Variants in DPP6 observed in about 807,000 individuals in gnomAD.
DPP6 encodes A-type potassium channel modulatory protein DPP6.
DPP6 carries 69 observed loss-of-function variants against 122.6 expected under a neutral mutation model. That is an observed-to-expected ratio of 0.56 (90% CI 0.46 to 0.69). DPP6 has a LOEUF of 0.69. Ranked by LOEUF, DPP6 falls within the 30% of genes least tolerant of loss-of-function variation. The pLI is 0.00. For synonymous variants in DPP6, 418 were observed against 433.1 expected, an observed-to-expected ratio of 0.97 and a Z score of 0.43; for missense variants, 928 against 1,116.9, an observed-to-expected ratio of 0.83 and a Z score of 2.41.
rs78577660 is a variant in DPP6, at chr7:154,722,952, A to G, written c.763-4815A>G. Reference sequence around the variant, plus strand: ...GCCTTCCATCTTCTTTTCTTCAGATATCTTAATCTGAATATCAAAAGGAGA... The same window carrying G: ...GCCTTCCATCTTCTTTTCTTCAGATGTCTTAATCTGAATATCAAAAGGAGA... On this transcript the variant is annotated intron_variant, in intron 7 of 25. Coordinates refer to ENST00000377770, the MANE Select transcript of DPP6 (RefSeq NM_130797.4). 5.3e-3 allele frequency among the ~76,000 whole-genome samples: 812 copies of G among 152,268 alleles called. 11 individuals carry two copies. Among genetic ancestry groups the G allele is most frequent in the African/African-American group, 0.019 (779 of 41,538 alleles).
chr7:154,646,047 A>G (rs1350644252), intron 6 of DPP6, among the ~76,000 whole-genome samples: 1 of 150,680 alleles, frequency 6.6e-6, no homozygotes, highest in Non-Finnish European at 1.5e-5. Flanking sequence ...AAAAAAAAAG[A>G]AAATACTGAG....
intron 5 of DPP6, chr7:154,588,198 G>T: frequency 6.8e-7 from 1 of 1,478,234 alleles, no homozygotes. Flanking sequence ...CTGGTCACTG[G>T]GTGCCCGCAG....
At chr7:154,500,837 G>A (rs1825175967) in intron 3 of DPP6, among the ~76,000 whole-genome samples, 1 of 152,216 alleles carries the variant, frequency 6.6e-6, no homozygotes, top group Admixed American at 6.5e-5. Flanking sequence ...TTGGAACTGG[G>A]TAACAGGCAG....
intron 8 of DPP6, among the ~76,000 whole-genome samples, chr7:154,757,755 A>G (rs1301971367): frequency 1.3e-5 from 2 of 152,168 alleles, no homozygotes; most frequent in African/African-American, 4.8e-5. Flanking sequence ...TCTCCGGCAC[A>G]CGGGAGGGGC....
At position 154,892,435 on chromosome 7, in the gene DPP6, C is replaced by A; in HGVS notation, c.2553C>A (p.Asp851Glu). ...TCGTGGAATGCTTCAGGATCCAGGA[C>A]AAACTGCTGACAGTCACAGCGAAAG... is the stretch of plus-strand genomic sequence containing the variant. ...NFFVECFRIQ[D>E]KLLTVTAKED... Residue 851 changes from aspartate (D) to glutamate (E), a missense_variant, in exon 26 of 26, where the codon GAC becomes GAA. By Grantham distance (45) the Asp-to-Glu change is conservative. Coordinates refer to ENST00000377770, the MANE Select transcript of DPP6 (RefSeq NM_130797.4). The A allele has an allele frequency of 6.2e-7, 1 of 1,614,056 alleles. No homozygotes were observed. The highest frequency in any genetic ancestry group is 8.5e-7 in the Non-Finnish European group (1 of 1,179,904).
intron 2 of DPP6, among the ~76,000 whole-genome samples, chr7:154,466,301 C>G (rs1443361631): frequency 6.6e-6 from 1 of 152,060 alleles, no homozygotes; most frequent in Non-Finnish European, 1.5e-5. Flanking sequence ...ACATGTATAC[C>G]TATATAACAC....
At chr7:154,353,720 C>A (rs143774039) in intron 1 of DPP6, among the ~76,000 whole-genome samples, 2 of 152,116 alleles carry the variant, frequency 1.3e-5, no homozygotes, top group South Asian at 4.1e-4. Flanking sequence ...ACATGGAAGA[C>A]GACTCTGACA....
rs946031233 is a variant in DPP6 at position 154,486,802 on chromosome 7, T to G, written c.457+11765T>G. 3.9e-5 allele frequency among the ~76,000 whole-genome samples: 6 copies of G among 152,174 alleles called. No individual in the cohort carries two copies. Among genetic ancestry groups the G allele is most frequent in the Admixed American group, 1.3e-4 (2 of 15,270 alleles). ...GCAGCCGATTTCTTCCACACCACGC[T>G]GGTCCCTTCCAGAGGTGCTGTAGGT... On this transcript the variant is annotated intron_variant, in intron 3 of 25. Coordinates refer to ENST00000377770, the MANE Select transcript of DPP6 (RefSeq NM_130797.4). The surrounding 1 kb of genome is among the most constrained non-coding windows in gnomAD (Gnocchi z 4.5).
chr7:153,761,701 T>G, the DPP6 span, among the ~76,000 whole-genome samples: 1 of 152,228 alleles, frequency 6.6e-6, no homozygotes, highest in African/African-American at 2.4e-5. Context: ...TTGAATACTA[T>G]TCAATCTTTT....
At chr7:154,234,314 G>A (rs2150857873) in intron 1 of DPP6, among the ~76,000 whole-genome samples, 1 of 152,298 alleles carries the variant, frequency 6.6e-6, no homozygotes, top group South Asian at 2.1e-4. Flanking sequence ...TGGGATGTGG[G>A]AGGTAATCAG....
At chr7:154,849,505 T>G (rs773731635) in intron 16 of DPP6, among the ~76,000 whole-genome samples, 40 of 152,236 alleles carry the variant, frequency 2.6e-4, no homozygotes, top group African/African-American at 9.2e-4. Context: ...CTGCTGATTT[T>G]TGTGTTGCAT....
chr7:154,093,658 A>ACACACAC (rs1417579866), intron 1 of DPP6: 1 of 137,874 alleles, frequency 7.3e-6, no homozygotes, highest in Non-Finnish European at 1.6e-5. Flanking sequence ...ACACACACAT[A>ACACACAC]AAAAAAAACT....
chr7:154,218,555 A>T (rs188176885), intron 1 of DPP6, among the ~76,000 whole-genome samples: 1 of 152,318 alleles, frequency 6.6e-6, no homozygotes, highest in South Asian at 2.1e-4. Flanking sequence ...AATGTATTTG[A>T]TAGGCTCTTT....
chr7:154,759,906 G>A (rs1413914018), intron 8 of DPP6, among the ~76,000 whole-genome samples: 1 of 152,300 alleles, frequency 6.6e-6, no homozygotes, highest in South Asian at 2.1e-4. Flanking sequence ...GGCGGATCAC[G>A]AGGTCAGGAG....
intron 10 of DPP6, among the ~76,000 whole-genome samples, chr7:154,781,700 G>GCACATCTTTTAAAAGCACA (rs1371712892): frequency 6.6e-6 from 1 of 151,418 alleles, no homozygotes; most frequent in African/African-American, 2.4e-5. Context: ...CTTTTAAAAT[G>GCACATCTTTTAAAAGCACA]TCCTCTCTCA....
intron 10 of DPP6, 130 bp downstream of exon 10, chr7:154,773,072 A>G (rs775968663): frequency 2.2e-5 from 27 of 1,225,690 alleles, no homozygotes; most frequent in Admixed American, 1.7e-4. Flanking sequence ...TACCTTTCCT[A>G]AAGATTTCCT....
chr7:154,744,450 CT>C (rs1842948771), intron 8 of DPP6, among the ~76,000 whole-genome samples: 1 of 152,236 alleles, frequency 6.6e-6, no homozygotes, highest in African/African-American at 2.4e-5. Flanking sequence ...GGAGCCGATC[CT>C]CCTCCCTGGG....
intron 15 of DPP6, 82 bp downstream of exon 15, chr7:154,805,046 T>A (rs1798610783): frequency 6.6e-7 from 1 of 1,516,604 alleles, no homozygotes; most frequent in South Asian, 1.2e-5. Flanking sequence ...TTTTCAGCAG[T>A]TCGGAAAGGG....
At chr7:153,950,066 A>G (rs11980957) in intron 1 of DPP6, among the ~76,000 whole-genome samples, 43,844 of 152,072 alleles carry the variant, frequency 0.29, 6,725 homozygotes, top group East Asian at 0.59. Flanking sequence ...CAGACAGGGC[A>G]AGAGCACTTC....
Sources: allele counts gnomAD v4.1 joint callset (sites outside exome capture counted in the v4.1 genomes callset), GRCh38; gene constraint gnomAD v4.1.1; non-coding constraint Gnocchi (gnomAD v3.1); transcripts MANE v1.5; gene names NCBI Gene and HGNC (gene_info 2026-07-23, HGNC 2026-07-21).